Variants in CAMKMT observed in about 807,000 individuals in gnomAD.
CAMKMT encodes calmodulin-lysine N-methyltransferase.
In CAMKMT, 53 loss-of-function variants were observed where a neutral mutation model predicts 48.0. That is an observed-to-expected ratio of 1.10 (90% CI 0.89 to 1.39). CAMKMT has a LOEUF of 1.39. CAMKMT is among the 40% of genes most tolerant of loss of function. The pLI is 0.00. For missense variants in CAMKMT, 428 were observed against 402.7 expected, an observed-to-expected ratio of 1.06 and a Z score of -0.54; for synonymous variants, 165 against 152.3, an observed-to-expected ratio of 1.08 and a Z score of -0.61.
chr2:44,537,476 G>C (rs1398333798), intron 3 of CAMKMT, among the ~76,000 whole-genome samples: 3 of 152,174 alleles, frequency 2.0e-5, no homozygotes, highest in Admixed American at 2.0e-4. Context: ...AGATATTGTT[G>C]TATCTTACGT....
At chr2:44,404,674 TTTTC>T (rs1352407411) in intron 3 of CAMKMT, among the ~76,000 whole-genome samples, 2 of 152,142 alleles carry the variant, frequency 1.3e-5, no homozygotes, top group Admixed American at 6.5e-5. Flanking sequence ...AATGTTTCTC[TTTTC>T]TTTCTCTTTG....
At position 44,588,591 on chromosome 2, in the gene CAMKMT, G is replaced by T. The variant is rs1670053597; in HGVS notation, c.377-115692G>T. 4.9e-5 allele frequency among the ~76,000 whole-genome samples: 2 copies of T among 40,638 alleles called. 1 individual carries two copies. The highest frequency in any genetic ancestry group is 1.0e-4 in the Non-Finnish European group (2 of 19,818). 26.7% of individuals were successfully genotyped at this position (40,638 alleles called of 152,430 possible). On this transcript the variant is annotated intron_variant, in intron 3 of 10. Coordinates refer to ENST00000378494, the MANE Select transcript of CAMKMT (RefSeq NM_024766.5). ...TCTGCCCGGCCAGCCGCCCCGTCCA[G>T]GAGGGAGGTGGGGGGTCAGCCCCCC... is the stretch of plus-strand genomic sequence containing the variant.
intron 3 of CAMKMT, among the ~76,000 whole-genome samples, chr2:44,416,621 T>C (rs1683572077): frequency 7.0e-6 from 1 of 142,546 alleles, no homozygotes; most frequent in African/African-American, 2.6e-5. Flanking sequence ...TCGCCTAGGC[T>C]GGAGTGCAAT....
At chr2:44,523,724 T>A (rs1316681700) in intron 3 of CAMKMT, among the ~76,000 whole-genome samples, 4 of 151,794 alleles carry the variant, frequency 2.6e-5, no homozygotes, top group African/African-American at 4.8e-5. Flanking sequence ...CTTGGACTTC[T>A]TGCATGATTG....
chr2:44,451,743 A>G (rs1067398), intron 3 of CAMKMT, among the ~76,000 whole-genome samples: 113,948 of 151,706 alleles, frequency 0.75, 43,634 homozygotes, highest in African/African-American at 0.84. Context: ...GATAAAACAA[A>G]CACGGTAAAA....
At chr2:44,589,915 A>AAAAAAAG (rs1670157786) in intron 3 of CAMKMT, among the ~76,000 whole-genome samples, 1 of 80,532 alleles carries the variant, frequency 1.2e-5, no homozygotes, top group East Asian at 2.3e-4. Context: ...AAAAGAACGA[A>AAAAAAAG]AAAAAAAAAA....
chr2:44,667,903 T>G (rs1350517576), intron 3 of CAMKMT, among the ~76,000 whole-genome samples: 1 of 152,178 alleles, frequency 6.6e-6, no homozygotes, highest in Non-Finnish European at 1.5e-5. Context: ...CTTCCCTATT[T>G]AGGTTCCATG....
At chr2:44,613,180 T>C (rs1671688834) in intron 3 of CAMKMT, among the ~76,000 whole-genome samples, 1 of 152,232 alleles carries the variant, frequency 6.6e-6, no homozygotes, top group African/African-American at 2.4e-5. Context: ...CTTATGTTTG[T>C]TTTTTATTTA....
At chr2:44,689,104 A>T (rs780230685) in intron 3 of CAMKMT, among the ~76,000 whole-genome samples, 1 of 152,116 alleles carries the variant, frequency 6.6e-6, no homozygotes, top group Non-Finnish European at 1.5e-5. Flanking sequence ...CACTTTTGCT[A>T]TTTTGGTATG....
At chr2:44,409,814 A>G (rs376050096) in intron 3 of CAMKMT, among the ~76,000 whole-genome samples, 3 of 152,104 alleles carry the variant, frequency 2.0e-5, no homozygotes, top group African/African-American at 4.8e-5. Context: ...TATGATGGAG[A>G]TGTATGTAAG....
In CAMKMT at chr2:44,653,868, G is replaced by T. The variant is rs1236154704; in HGVS notation, c.377-50415G>T. ...AGACATCAATTAATATTTGTTGAGT[G>T]AAAGAATGAAACCAAAACTGTCACA... On this transcript the variant is annotated intron_variant, in intron 3 of 10. Transcript: ENST00000378494. This position sits in a 1 kb window ranked among gnomAD's most constrained non-coding sequence, Gnocchi z 5.2. 6.6e-6 allele frequency among the ~76,000 whole-genome samples: 1 copy of T among 152,158 alleles called. No individual in the cohort carries two copies. Among genetic ancestry groups the T allele is most frequent in the Admixed American group, 6.5e-5 (1 of 15,274 alleles).
rs536321764 is a variant in CAMKMT, at chr2:44,390,218, G to A, written c.312-23G>A. On this transcript the variant is annotated intron_variant, in intron 2 of 10. Transcript: ENST00000378494. ...ATGTTAACATTTCAGAATCATTAAA[G>A]CAAACGCTTTACTCCTTTCTAGGCA... 1.8e-4 allele frequency: 279 copies of A among 1,588,370 alleles called. 5 individuals carry two copies. The South Asian group carries it at 2.7e-3, about 16-fold the overall frequency.
chr2:44,402,761 C>CTTTTTTTTTGTTTTTTTTTTTGTTTTT (rs1558582120), intron 3 of CAMKMT, among the ~76,000 whole-genome samples: 1 of 41,382 alleles, frequency 2.4e-5, no homozygotes, highest in Non-Finnish European at 5.3e-5. Context: ...TTTTTTTTTA[C>CTTTTTTTTTGTTTTTTTTTTTGTTTTT]TTTTTCTTTA....
In CAMKMT at chr2:44,459,917, A is replaced by G. The variant is rs117599620; in HGVS notation, c.376+69612A>G. 1.2e-4 allele frequency among the ~76,000 whole-genome samples: 18 copies of G among 152,342 alleles called. No homozygotes were observed. In the East Asian group the frequency reaches 1.3e-3, roughly 11 times the overall value. On this transcript the variant is annotated intron_variant, in intron 3 of 10. Transcript: ENST00000378494. The stretch of plus-strand genomic sequence containing the variant: ...TGGTAGTTATGCTGAGCACACATCA[A>G]TAAGCTTGGAGTGTGATTCTATGCT...
intron 3 of CAMKMT, among the ~76,000 whole-genome samples, chr2:44,602,361 C>G (rs1157884084): frequency 2.6e-5 from 4 of 152,012 alleles, no homozygotes; most frequent in Non-Finnish European, 5.9e-5. Context: ...ACCTAGTATT[C>G]TATAGTGTGA....
intron 3 of CAMKMT, among the ~76,000 whole-genome samples, chr2:44,409,068 G>A (rs1682981353): frequency 7.1e-6 from 1 of 141,070 alleles, no homozygotes; most frequent in Non-Finnish European, 1.5e-5. Flanking sequence ...ATTTTTAGTT[G>A]TTATTTCAGC....
chr2:44,621,185 G>A lies in CAMKMT; in HGVS notation c.377-83098G>A, dbSNP rs1186723170. Among the ~76,000 whole-genome samples the A allele has an allele frequency of 2.1e-5, 3 of 142,332 alleles. No individual in the cohort carries two copies. The Admixed American group carries it at 2.4e-4, about 11-fold the overall frequency. The allele number at this position is 142,332 out of a possible 152,430, so 93.4% of individuals were successfully genotyped here. The stretch of plus-strand genomic sequence containing the variant: ...TGGGAGGCTGAGGCAGGAGAATGGC[G>A]CCAACCCGGAGGCGGAGCTTGCAGT... On this transcript the variant is annotated intron_variant, in intron 3 of 10. Coordinates refer to ENST00000378494, the MANE Select transcript of CAMKMT (RefSeq NM_024766.5).
chr2:44,663,018 T>G (rs1674761101), intron 3 of CAMKMT, among the ~76,000 whole-genome samples: 1 of 152,196 alleles, frequency 6.6e-6, no homozygotes, highest in African/African-American at 2.4e-5. Flanking sequence ...TTCTGGACAA[T>G]TTGAGAGTAA....
rs116426168 is a variant in CAMKMT, at chr2:44,498,363, A to C, written c.376+108058A>C. On this transcript the variant is annotated intron_variant, in intron 3 of 10. Coordinates refer to ENST00000378494, the MANE Select transcript of CAMKMT (RefSeq NM_024766.5). Reference sequence around the variant, plus strand: ...ATGAGATTAGGCTCTTACACTGAGAAATTAAAGTAAAACAAGCTATTTATT... The same window carrying C: ...ATGAGATTAGGCTCTTACACTGAGACATTAAAGTAAAACAAGCTATTTATT... Among the ~76,000 whole-genome samples, 571 of 152,348 alleles carry C rather than the reference A, an allele frequency of 3.7e-3. 2 individuals carry two copies. Among genetic ancestry groups the C allele is most frequent in the African/African-American group, 0.013 (543 of 41,596 alleles).
Sources: gnomAD v4.1 joint callset for allele counts (sites outside exome capture counted in the v4.1 genomes callset) on GRCh38, gnomAD v4.1.1 for gene constraint, Gnocchi (gnomAD v3.1) non-coding constraint, MANE v1.5 for transcripts, NCBI Gene and HGNC (gene_info 2026-07-23, HGNC 2026-07-21) for gene names.